Variants in WNK2 observed in about 807,000 individuals in gnomAD.
The protein encoded by WNK2 is WNK lysine deficient protein kinase 2, also known as serine/threonine-protein kinase WNK2.
WNK2 carries 67 observed loss-of-function variants against 192.1 expected under a neutral mutation model. The observed-to-expected ratio is 0.35, with a 90% CI of 0.29 to 0.43. The LOEUF is 0.43. Among genes scored for constraint, WNK2 ranks in the 20% least tolerant of loss-of-function variants. WNK2 has a pLI of 1.00. For synonymous variants in WNK2, 1,439 were observed against 1,393.9 expected (o/e 1.03, Z -0.72); for missense variants, 2,698 against 3,089.7 (o/e 0.87, Z 3.01).
intron 23 of WNK2, 63 bp from the exon 24 acceptor site, chr9:93,297,790 G>T (rs1554745887): frequency 5.3e-6 from 8 of 1,497,632 alleles, no homozygotes. Flanking sequence ...CCTCCTGGAG[G>T]AGCTGGCGGT....
At chr9:93,221,674 T>A (rs942997778) in intron 2 of WNK2, among the ~76,000 whole-genome samples, 4 of 152,152 alleles carry the variant, frequency 2.6e-5, no homozygotes, top group Admixed American at 2.6e-4. Flanking sequence ...CTGAAGAAAA[T>A]CCTTTGGTCC....
chr9:93,289,320 C>G lies in WNK2; in HGVS notation c.4566C>G (p.Thr1522=). 1 of 1,600,304 alleles carries G rather than the reference C, an allele frequency of 6.2e-7. No homozygotes were observed. ...TCCCAAGCCCACCCCTGGGGCCCAC[C>G]GTCCCCCCACAGCCACCCTCGGCCC... ...SQLPSPPLGP[T]VPPQPPSALE... Residue 1522 remains threonine, a synonymous_variant, in exon 20 of 30, where the codon ACC becomes ACG. Coordinates refer to ENST00000427277, the MANE Select transcript of WNK2 (RefSeq NM_006648.4).
At chr9:93,260,327 C>G (rs1463044850) in intron 12 of WNK2, among the ~76,000 whole-genome samples, 3 of 152,156 alleles carry the variant, frequency 2.0e-5, no homozygotes, top group South Asian at 2.1e-4. Flanking sequence ...AGTATGGGAG[C>G]CTTCCCACCT....
At chr9:93,184,806 G>T in intron 1 of WNK2, 122 bp from the exon 2 acceptor site, 2 of 908,926 alleles carry the variant, frequency 2.2e-6, no homozygotes, top group South Asian at 1.1e-4. Context: ...GGCCCCCGCA[G>T]GCTCTCTCCG....
intron 28 of WNK2, chr9:93,309,034 G>A (rs1157524962): frequency 8.0e-6 from 8 of 997,028 alleles, no homozygotes; most frequent in Non-Finnish European, 8.4e-6. Context: ...AGCCAATGTG[G>A]GGCGGAAGTG....
chr9:93,298,974 G>A, intron 24 of WNK2, 96 bp from the exon 25 acceptor site: 2 of 1,333,860 alleles, frequency 1.5e-6, no homozygotes, highest in Non-Finnish European at 2.0e-6. Context: ...CTTCCCCAAG[G>A]TCACCCAGCA....
chr9:93,292,434 G>T (rs1564185321), intron 22 of WNK2, 38 bp downstream of exon 22: 2 of 1,613,810 alleles, frequency 1.2e-6, no homozygotes, highest in Admixed American at 3.3e-5. Context: ...TGGTTGGCAG[G>T]GTTTGCTCTG....
chr9:93,293,508 C>T (rs535161351), intron 23 of WNK2, among the ~76,000 whole-genome samples: 2 of 151,994 alleles, frequency 1.3e-5, no homozygotes, highest in African/African-American at 2.4e-5. Context: ...TTAGTAGAGA[C>T]GGGGTTTCAC....
In WNK2 at chr9:93,187,802, C is replaced by A. The variant is rs184413805; in HGVS notation, c.681+2192C>A. ...CCTGTGTGATGTCCTGGGTATGGGC[C>A]AGGGGCTGCTGGGCGTGTGGAACGG... On this transcript the variant is annotated intron_variant, in intron 2 of 29. Coordinates refer to ENST00000427277, the MANE Select transcript of WNK2 (RefSeq NM_006648.4). Among the ~76,000 whole-genome samples the A allele has an allele frequency of 4.6e-5, 7 of 152,046 alleles. No homozygotes were observed. In the East Asian group the frequency reaches 9.7e-4, roughly 21 times the overall value.
chr9:93,240,088 C>T, intron 7 of WNK2, 112 bp downstream of exon 7: 1 of 1,134,654 alleles, frequency 8.8e-7, no homozygotes, highest in Non-Finnish European at 1.3e-6. Flanking sequence ...GACTGCAAGG[C>T]CAGTGGGTGT....
intron 7 of WNK2, among the ~76,000 whole-genome samples, chr9:93,240,368 G>A (rs1840550902): frequency 6.6e-6 from 1 of 152,116 alleles, no homozygotes; most frequent in Non-Finnish European, 1.5e-5. Flanking sequence ...TGGGATCTTC[G>A]CCTTTCCTTT....
chr9:93,289,045 G>C lies in WNK2; in HGVS notation c.4291G>C (p.Glu1431Gln), dbSNP rs141554117. The part of the protein sequence containing the change: ...GTPQGLTSEL[E>Q]TSQPLAETHE... ...ACCTCAGGGGCTGACCAGTGAGCTC[G>C]AGACGTCTCAGCCACTAGCGGAGAC... Residue 1431 changes from glutamate (E) to glutamine (Q), a missense_variant, in exon 20 of 30, where the codon GAG becomes CAG. Glu to Gln is a conservative substitution (Grantham distance 29). Coordinates refer to ENST00000427277, the MANE Select transcript of WNK2 (RefSeq NM_006648.4). 53 of 1,604,702 alleles carry C rather than the reference G, an allele frequency of 3.3e-5. No individual in the cohort carries two copies. The highest frequency in any genetic ancestry group is 8.5e-5 in the Admixed American group (5 of 59,060).
chr9:93,196,559 G>A (rs1040490190), intron 2 of WNK2, among the ~76,000 whole-genome samples: 4 of 152,164 alleles, frequency 2.6e-5, no homozygotes, highest in Non-Finnish European at 4.4e-5. Flanking sequence ...ACAAATGGGT[G>A]GTTAGGTGGG....
chr9:93,227,818 G>A (rs145282951), intron 2 of WNK2, among the ~76,000 whole-genome samples: 194 of 152,254 alleles, frequency 1.3e-3, no homozygotes, highest in African/African-American at 4.5e-3. Context: ...CGTTTTTGAT[G>A]AGTAGAACAT....
At chr9:93,291,685 C>G (rs1459944150) in intron 21 of WNK2, among the ~76,000 whole-genome samples, 1 of 152,248 alleles carries the variant, frequency 6.6e-6, no homozygotes, top group Non-Finnish European at 1.5e-5. Context: ...CTGCTGCCAC[C>G]TTCCCCACGG....
intron 2 of WNK2, among the ~76,000 whole-genome samples, chr9:93,188,754 T>C (rs1274557695): frequency 6.6e-6 from 1 of 152,184 alleles, no homozygotes; most frequent in African/African-American, 2.4e-5. Flanking sequence ...CCACCTGCCA[T>C]AGCCGGCCCA....
At chr9:93,253,915 G>A (rs916407565) in intron 9 of WNK2, among the ~76,000 whole-genome samples, 2 of 152,114 alleles carry the variant, frequency 1.3e-5, no homozygotes, top group African/African-American at 4.8e-5. Flanking sequence ...AGCGTAGTTT[G>A]TTTATTTATT....
intron 7 of WNK2, among the ~76,000 whole-genome samples, chr9:93,242,045 G>A (rs1349148550): frequency 6.6e-6 from 1 of 152,138 alleles, no homozygotes; most frequent in Non-Finnish European, 1.5e-5. Context: ...CTGAGTGCAG[G>A]GCCTCAGTGA....
intron 8 of WNK2, among the ~76,000 whole-genome samples, chr9:93,249,802 C>T (rs1418328272): frequency 6.6e-6 from 1 of 150,764 alleles, no homozygotes; most frequent in Non-Finnish European, 1.5e-5. Flanking sequence ...TTGTTCATTG[C>T]GGTTTCTTTA....
Sources: allele counts gnomAD v4.1 joint callset (sites outside exome capture counted in the v4.1 genomes callset), GRCh38; gene constraint gnomAD v4.1.1; transcripts MANE v1.5; gene names NCBI Gene and HGNC (gene_info 2026-07-23, HGNC 2026-07-21).